The following MSRA variants were observed in gnomAD, a reference collection of about 807,000 sequenced individuals.
The protein encoded by MSRA is methionine sulfoxide reductase A.
In MSRA, 54 loss-of-function variants were observed where a neutral mutation model predicts 31.3. That is an observed-to-expected ratio of 1.73 (90% CI 1.39 to 2.17). The LOEUF is 2.17. Ranked by LOEUF, MSRA falls within the 30% of genes most tolerant of loss-of-function variation. MSRA has a pLI of 0.00. For synonymous variants in MSRA, 169 were observed against 116.5 expected (o/e 1.45, Z -2.90); for missense variants, 507 against 300.9 (o/e 1.69, Z -5.07).
chr8:10,411,875 C>G (rs575237169), intron 5 of MSRA, among the ~76,000 whole-genome samples: 6 of 144,190 alleles, frequency 4.2e-5, no homozygotes, highest in African/African-American at 1.5e-4. Context: ...TCCAGTTAAG[C>G]AAAACTTTCC....
At position 10,073,183 on chromosome 8, in the gene MSRA, T is replaced by A. The variant is rs150460213; in HGVS notation, c.142+18525T>A. On this transcript the variant is annotated intron_variant, in intron 1 of 5. Coordinates refer to ENST00000317173, the MANE Select transcript of MSRA (RefSeq NM_012331.5). ...AGTATTGAGAGCAGACATGCTTACT[T>A]TGTATCTATCTTAGGGGAAAAGCAT... Among the ~76,000 whole-genome samples, 184 of 152,308 alleles carry A rather than the reference T, an allele frequency of 1.2e-3. 1 individual carries two copies. Among genetic ancestry groups the A allele is most frequent in the African/African-American group, 4.3e-3 (180 of 41,568 alleles).
At chr8:10,333,814 C>A (rs1351729436) in intron 5 of MSRA, among the ~76,000 whole-genome samples, 2 of 152,072 alleles carry the variant, frequency 1.3e-5, no homozygotes, top group South Asian at 2.1e-4. Flanking sequence ...ACCCCACCCC[C>A]CCCACGCTGA....
intron 5 of MSRA, among the ~76,000 whole-genome samples, chr8:10,323,213 C>A (rs531300667): frequency 6.6e-6 from 1 of 152,144 alleles, no homozygotes; most frequent in East Asian, 1.9e-4. Context: ...CCACAGGAAC[C>A]AACCCCAACC....
In MSRA at chr8:10,232,424, C is replaced by T. The variant is rs11990561; in HGVS notation, c.212-12680C>T. Among the ~76,000 whole-genome samples, 806 of 152,290 alleles carry T rather than the reference C, an allele frequency of 5.3e-3. 12 individuals carry two copies. The highest frequency in any genetic ancestry group is 0.019 in the African/African-American group (770 of 41,558). Reference sequence around the variant, plus strand: ...GAATGGAGTGTACTAGTTAGTAGAACTTGCCCTAGCCAATTTATGTAGTGA... The same window carrying T: ...GAATGGAGTGTACTAGTTAGTAGAATTTGCCCTAGCCAATTTATGTAGTGA... On this transcript the variant is annotated intron_variant, in intron 2 of 5. Coordinates refer to ENST00000317173, the MANE Select transcript of MSRA (RefSeq NM_012331.5).
chr8:10,296,220 A>C (rs1348044518), intron 3 of MSRA, among the ~76,000 whole-genome samples: 1 of 152,172 alleles, frequency 6.6e-6, no homozygotes, highest in Non-Finnish European at 1.5e-5. Context: ...GAATGGATAA[A>C]TTGGAGTGAG....
At position 10,131,115 on chromosome 8, in the gene MSRA, T is replaced by G. The variant is rs139983799; in HGVS notation, c.142+76457T>G. On this transcript the variant is annotated intron_variant, in intron 1 of 5. Transcript: ENST00000317173. ...TTTGTTTCTTATTTATTTCCTTCTCTGTGGAATGTTAGGGCACTGATCATG... is the reference window on the plus strand; with the variant it reads ...TTTGTTTCTTATTTATTTCCTTCTCGGTGGAATGTTAGGGCACTGATCATG... Among the ~76,000 whole-genome samples, 2 of 152,360 alleles carry G rather than the reference T, an allele frequency of 1.3e-5. 1 individual carries two copies. The highest frequency in any genetic ancestry group is 2.9e-5 in the Non-Finnish European group (2 of 68,040).
At chr8:10,272,870 G>A (rs1051855359) in intron 3 of MSRA, among the ~76,000 whole-genome samples, 1 of 107,150 alleles carries the variant, frequency 9.3e-6, no homozygotes, top group African/African-American at 3.1e-5. Flanking sequence ...TCTCTTAAGT[G>A]AATGAATGAA....
At chr8:10,060,503 A>G (rs1434396325) in intron 1 of MSRA, among the ~76,000 whole-genome samples, 1 of 152,126 alleles carries the variant, frequency 6.6e-6, no homozygotes, top group African/African-American at 2.4e-5. Context: ...TAGACTTTTG[A>G]TGCTTTTTTG....
At chr8:10,133,061 C>A (rs1802014451) in intron 1 of MSRA, among the ~76,000 whole-genome samples, 1 of 152,194 alleles carries the variant, frequency 6.6e-6, no homozygotes, top group Admixed American at 6.5e-5. Flanking sequence ...TACAGCCATC[C>A]AACTCTTAGG....
chr8:10,219,512 C>T (rs1373723564), intron 2 of MSRA, among the ~76,000 whole-genome samples: 1 of 151,762 alleles, frequency 6.6e-6, no homozygotes, highest in Non-Finnish European at 1.5e-5. Context: ...TAAAATAATT[C>T]CCATGAATGA....
intron 1 of MSRA, among the ~76,000 whole-genome samples, chr8:10,200,932 G>T (rs1424378341): frequency 6.6e-6 from 1 of 152,160 alleles, no homozygotes; most frequent in Non-Finnish European, 1.5e-5. Context: ...AGAACGCTCA[G>T]TCAGTGTCCT....
chr8:10,402,002 C>G (rs1807496537), intron 5 of MSRA, among the ~76,000 whole-genome samples: 1 of 152,140 alleles, frequency 6.6e-6, no homozygotes, highest in African/African-American at 2.4e-5. Context: ...TGTAAATGTA[C>G]TTAATGCATT....
intron 1 of MSRA, among the ~76,000 whole-genome samples, chr8:10,180,744 C>T (rs1274382433): frequency 1.3e-5 from 2 of 152,084 alleles, no homozygotes; most frequent in African/African-American, 4.8e-5. Context: ...GTATTTTTGT[C>T]TGGTATCAGA....
Position 10,232,895 on chromosome 8 carries a change from G to C in MSRA, c.212-12209G>C, listed in dbSNP as rs946040362. Among the ~76,000 whole-genome samples the C allele has an allele frequency of 9.9e-5, 15 of 152,182 alleles. No individual in the cohort carries two copies. In the South Asian group the frequency reaches 1.2e-3, roughly 13 times the overall value. On this transcript the variant is annotated intron_variant, in intron 2 of 5. Transcript: ENST00000317173. ...AGTGACACAGTTGTAATTTTGATAT[G>C]TTCTTTAAGTCTCTTAGGTGCTTAA...
chr8:10,206,735 C>T (rs529013102), intron 1 of MSRA, among the ~76,000 whole-genome samples: 93 of 152,342 alleles, frequency 6.1e-4, no homozygotes, highest in Non-Finnish European at 2.8e-4. Context: ...TCTGACTTCC[C>T]ACCCAGCTCT....
chr8:10,088,493 G>A (rs528839794), intron 1 of MSRA, among the ~76,000 whole-genome samples: 2 of 152,106 alleles, frequency 1.3e-5, no homozygotes, highest in African/African-American at 2.4e-5. Flanking sequence ...CCAGCACTTC[G>A]GGAGGCTGAA....
At chr8:10,067,205 A>G (rs1447108162) in intron 1 of MSRA, among the ~76,000 whole-genome samples, 2 of 151,790 alleles carry the variant, frequency 1.3e-5, no homozygotes, top group African/African-American at 2.4e-5. Context: ...CCTTGCAACC[A>G]CTGAACTTTT....
intron 5 of MSRA, among the ~76,000 whole-genome samples, chr8:10,360,485 G>T (rs748726360): frequency 6.6e-6 from 1 of 152,174 alleles, no homozygotes; most frequent in Non-Finnish European, 1.5e-5. Flanking sequence ...TTTTCTGGGA[G>T]ACATTGGAAG....
intron 5 of MSRA, among the ~76,000 whole-genome samples, chr8:10,350,992 T>C (rs1341561275): frequency 6.6e-6 from 1 of 152,188 alleles, no homozygotes; most frequent in Non-Finnish European, 1.5e-5. Context: ...CCAGAACTCT[T>C]ACTCCCCATG....
Sources: gnomAD v4.1 joint callset for allele counts (sites outside exome capture counted in the v4.1 genomes callset) on GRCh38, gnomAD v4.1.1 for gene constraint, MANE v1.5 for transcripts, NCBI Gene and HGNC (gene_info 2026-07-23, HGNC 2026-07-21) for gene names.